The following GFM2 variants were observed in gnomAD, a reference collection of about 807,000 sequenced individuals.
GFM2 encodes the protein ribosome-releasing factor 2, mitochondrial.
Under a neutral mutation model 95.4 loss-of-function variants are expected in GFM2, and 72 were observed. The observed-to-expected ratio is 0.76, with a 90% CI of 0.62 to 0.92. The LOEUF (loss-of-function observed/expected upper bound fraction) is 0.92. GFM2 is among the 40% of genes least tolerant of loss of function. The probability of loss-of-function intolerance (pLI) is 0.00; values close to 1 mark genes in which losing one functional copy is unlikely to be tolerated. For missense variants in GFM2, 825 were observed against 924.1 expected (o/e 0.89, Z 1.39); for synonymous variants, 276 against 317.5 (o/e 0.87, Z 1.39).
chr5:74,735,092 T>C (rs1435066386), intron 15 of GFM2, among the ~76,000 whole-genome samples: 2 of 152,200 alleles, frequency 1.3e-5, no homozygotes, highest in African/African-American at 2.4e-5. Flanking sequence ...CCACTCCTGA[T>C]ACAACCAGCT....
intron 19 of GFM2, among the ~76,000 whole-genome samples, chr5:74,724,663 T>C (rs570494566): frequency 9.2e-5 from 14 of 152,296 alleles, no homozygotes; most frequent in South Asian, 2.1e-4. Context: ...CGAAGAGATA[T>C]CAAGTTTGGC....
rs750930629 is a variant in GFM2 at position 74,751,513 on chromosome 5, T to G, written c.305-20A>C. The G allele has an allele frequency of 6.3e-7, 1 of 1,591,838 alleles. No homozygotes were observed. The highest frequency in any genetic ancestry group is 8.6e-7 in the Non-Finnish European group (1 of 1,160,284). ...CAACATCTAGCCAGGAAAAAGATGA[T>G]ACAGTTTAGTCTTAATAGCAAGTGT... On this transcript the variant is annotated intron_variant, in intron 5 of 20. Transcript: ENST00000296805.
chr5:74,754,161 G>A (rs1419989526), intron 5 of GFM2, among the ~76,000 whole-genome samples: 1 of 152,056 alleles, frequency 6.6e-6, no homozygotes, highest in African/African-American at 2.4e-5. Context: ...ACAATCAAAT[G>A]CTGAGAGAAC....
chr5:74,738,515 T>C lies in GFM2; in HGVS notation c.1207A>G (p.Asn403Asp), dbSNP rs1460011488. ...IKPQLAIHNI[N>D]GNCTERISRL... ...GCTTCTACTTACGTGCAGTTTCCAT[T>C]AATATTATGAATGGCCAACTGGGGT... Residue 403 changes from asparagine (N) to aspartate (D), a missense_variant, in exon 13 of 21, where the codon AAT becomes GAT. Asn to Asp is a conservative substitution (Grantham distance 23). Transcript: ENST00000296805. 1 of 1,613,096 alleles carries C rather than the reference T, an allele frequency of 6.2e-7. No homozygotes were observed. Among genetic ancestry groups the C allele is most frequent in the South Asian group, 1.1e-5 (1 of 90,886 alleles).
At chr5:74,766,028 G>A (rs562142374) in intron 1 of GFM2, among the ~76,000 whole-genome samples, 3 of 151,868 alleles carry the variant, frequency 2.0e-5, no homozygotes, top group East Asian at 2.0e-4. Flanking sequence ...CCTCAAAGCC[G>A]GGCGCTGTGG....
intron 5 of GFM2, among the ~76,000 whole-genome samples, chr5:74,752,999 T>C (rs1743793956): frequency 1.3e-5 from 2 of 151,840 alleles, no homozygotes; most frequent in South Asian, 4.2e-4. Context: ...CAAAACAAGG[T>C]TCTTTAATCC....
chr5:74,733,341 A>G (rs978208325), intron 15 of GFM2: 16 of 345,000 alleles, frequency 4.6e-5, no homozygotes, highest in African/African-American at 3.2e-4. Flanking sequence ...AAAAGAAAAA[A>G]AAAAAAAGAC....
intron 5 of GFM2, among the ~76,000 whole-genome samples, chr5:74,757,519 C>G (rs550335174): frequency 6.6e-6 from 1 of 151,806 alleles, no homozygotes; most frequent in East Asian, 1.9e-4. Context: ...TTCACTTGAG[C>G]CCAGTTTGAG....
In GFM2 at chr5:74,766,993, G is replaced by C. The variant is rs1744664878; in HGVS notation, c.-80C>G. 1 of 228,296 alleles carries C rather than the reference G, an allele frequency of 4.4e-6. No homozygotes were observed. Among genetic ancestry groups the C allele is most frequent in the South Asian group, 6.7e-5 (1 of 14,998 alleles). The allele number at this position is 228,296 out of a possible 1,614,324, so 14.1% of individuals were successfully genotyped here. Reference sequence around the variant, plus strand: ...TCTCACCGCTGGGCTCTTGAAGCAGGAGGCGCGAGCCGCGCCAAAGTCTGC... The same window carrying C: ...TCTCACCGCTGGGCTCTTGAAGCAGCAGGCGCGAGCCGCGCCAAAGTCTGC... On this transcript the variant is annotated 5_prime_UTR_variant, in exon 1 of 21. Coordinates refer to ENST00000296805, the MANE Select transcript of GFM2 (RefSeq NM_032380.5).
chr5:74,759,604 T>C (rs967103967), intron 3 of GFM2, among the ~76,000 whole-genome samples, 178 bp from the exon 4 acceptor site: 8 of 152,170 alleles, frequency 5.3e-5, no homozygotes, highest in Non-Finnish European at 1.0e-4. Flanking sequence ...TAAGGAAAGC[T>C]ATGGATGACA....
At position 74,767,010 on chromosome 5, in the gene GFM2, A is replaced by G. The variant is rs111570372; in HGVS notation, c.-97T>C. 4 of 247,142 alleles carry G rather than the reference A, an allele frequency of 1.6e-5. No individual in the cohort carries two copies. The highest frequency in any genetic ancestry group is 6.2e-5 in the South Asian group (1 of 16,198). 15.3% of individuals were successfully genotyped at this position (247,142 alleles called of 1,614,324 possible). A position where few individuals can be genotyped will look rare whatever the true frequency, so the allele number is the denominator to read the frequency against. On this transcript the variant is annotated 5_prime_UTR_variant, in exon 1 of 21. Coordinates refer to ENST00000296805, the MANE Select transcript of GFM2 (RefSeq NM_032380.5). ...TGAAGCAGGAGGCGCGAGCCGCGCCAAAGTCTGCAACGGCCTCAAGTCTCG... is the reference window on the plus strand; with the variant it reads ...TGAAGCAGGAGGCGCGAGCCGCGCCGAAGTCTGCAACGGCCTCAAGTCTCG...
intron 5 of GFM2, among the ~76,000 whole-genome samples, chr5:74,755,129 G>C (rs1743916041): frequency 6.6e-6 from 1 of 151,992 alleles, no homozygotes; most frequent in South Asian, 2.1e-4. Flanking sequence ...CTATATCCTA[G>C]AACAAAAAGA....
At chr5:74,751,079 A>T (rs1334895679) in intron 6 of GFM2, among the ~76,000 whole-genome samples, 3 of 152,198 alleles carry the variant, frequency 2.0e-5, no homozygotes, top group African/African-American at 4.8e-5. Context: ...TCAAATACAT[A>T]GGTATACAAA....
intron 6 of GFM2, 80 bp from the exon 7 acceptor site, chr5:74,750,747 G>A: frequency 1.0e-6 from 1 of 975,432 alleles, no homozygotes; most frequent in Non-Finnish European, 1.6e-6. Flanking sequence ...TCTCACTCCT[G>A]GGGAGGGGTG....
intron 11 of GFM2, 24 bp from the exon 12 acceptor site, chr5:74,740,161 G>A (rs1205057106): frequency 6.3e-7 from 1 of 1,581,666 alleles, no homozygotes; most frequent in Non-Finnish European, 8.6e-7. Context: ...ATACAAATGA[G>A]CATTTATTTT....
chr5:74,745,589 C>G (rs1743340896), intron 10 of GFM2, 89 bp downstream of exon 10: 1 of 1,140,036 alleles, frequency 8.8e-7, no homozygotes, highest in Non-Finnish European at 1.2e-6. Context: ...GGTCCTGCAA[C>G]CAATCCCCGA....
In GFM2 at chr5:74,760,839, AAGAG is replaced by A. The variant is rs1411656798; in HGVS notation, c.148+59_148+62del. 1.3e-5 allele frequency: 14 copies of A among 1,061,054 alleles called. No individual in the cohort carries two copies. The East Asian group carries it at 3.3e-4, about 25-fold the overall frequency. 65.7% of individuals were successfully genotyped at this position (1,061,054 alleles called of 1,614,324 possible). ...CCTAATAAGGGAGATTCTTGCAAAC[AAGAG>A]AGAGAAAAGAGATAAAGCAAACAGC... On this transcript the variant is annotated intron_variant, in intron 3 of 20. Coordinates refer to ENST00000296805, the MANE Select transcript of GFM2 (RefSeq NM_032380.5).
chr5:74,767,080 T>G lies in GFM2; in HGVS notation c.-167A>C, dbSNP rs1206387400. ...GCAATGTATCTAAACGAAAAGAAAA[T>G]AGGCTTTCTCCGCTCTACCGCCTCG... On this transcript the variant is annotated 5_prime_UTR_variant, in exon 1 of 21. Coordinates refer to ENST00000296805, the MANE Select transcript of GFM2 (RefSeq NM_032380.5). The G allele has an allele frequency of 2.3e-6, 1 of 434,346 alleles. No homozygotes were observed. Among genetic ancestry groups the G allele is most frequent in the Non-Finnish European group, 4.2e-6 (1 of 237,820 alleles). 26.9% of individuals were successfully genotyped at this position (434,346 alleles called of 1,614,324 possible). A position where few individuals can be genotyped will look rare whatever the true frequency, so the allele number is the denominator to read the frequency against.
intron 2 of GFM2, among the ~76,000 whole-genome samples, chr5:74,763,401 T>C (rs1304272044): frequency 6.6e-6 from 1 of 152,226 alleles, no homozygotes; most frequent in Non-Finnish European, 1.5e-5. Flanking sequence ...TTCTTAGATA[T>C]AAAACCCTAC....
Sources: allele counts gnomAD v4.1 joint callset (sites outside exome capture counted in the v4.1 genomes callset), GRCh38; gene constraint gnomAD v4.1.1; transcripts MANE v1.5; gene names NCBI Gene and HGNC (gene_info 2026-07-23, HGNC 2026-07-21).